Variants in GMDS observed in about 807,000 individuals in gnomAD.
GMDS encodes the protein GDP-mannose 4,6 dehydratase.
GMDS carries 20 observed loss-of-function variants against 49.9 expected under a neutral mutation model. The ratio of observed to expected loss-of-function variants is 0.40; its 90% CI spans 0.28 to 0.58. GMDS has a LOEUF of 0.58. GMDS is among the 20% of genes least tolerant of loss of function. The probability of loss-of-function intolerance (pLI) is 0.42; values close to 1 mark genes in which losing one functional copy is unlikely to be tolerated. For synonymous variants in GMDS, 177 were observed against 178.6 expected, an observed-to-expected ratio of 0.99 and a Z score of 0.07; for missense variants, 362 against 481.4, an observed-to-expected ratio of 0.75 and a Z score of 2.32.
intron 7 of GMDS, among the ~76,000 whole-genome samples, chr6:1,909,939 C>T (rs369125726): frequency 1.1e-4 from 16 of 152,094 alleles, no homozygotes; most frequent in South Asian, 4.1e-4. Flanking sequence ...AGCAAACTCC[C>T]GATCAAGATC....
intron 7 of GMDS, among the ~76,000 whole-genome samples, chr6:1,889,356 G>C (rs184417803): frequency 4.2e-4 from 64 of 152,056 alleles, no homozygotes; most frequent in Admixed American, 1.6e-3. Flanking sequence ...GTGCCATCCT[G>C]GTTTCTTCCT....
chr6:2,130,731 G>A (rs1775688303), intron 1 of GMDS, among the ~76,000 whole-genome samples: 1 of 151,944 alleles, frequency 6.6e-6, no homozygotes, highest in Non-Finnish European at 1.5e-5. Context: ...GCAATGTTAT[G>A]TTATGTCCAT....
intron 4 of GMDS, among the ~76,000 whole-genome samples, chr6:1,998,972 G>T: frequency 6.6e-6 from 1 of 151,866 alleles, no homozygotes; most frequent in East Asian, 1.9e-4. Context: ...GATAAGACAT[G>T]CAACAAGCAA....
At chr6:1,905,902 G>GCATGT (rs1760749897) in intron 7 of GMDS, among the ~76,000 whole-genome samples, 1 of 73,296 alleles carries the variant, frequency 1.4e-5, no homozygotes, top group African/African-American at 6.3e-5. Flanking sequence ...TAGGCCATCT[G>GCATGT]GGAACACGTA....
intron 9 of GMDS, among the ~76,000 whole-genome samples, chr6:1,657,637 C>T (rs999785860): frequency 6.6e-6 from 1 of 152,032 alleles, no homozygotes; most frequent in Non-Finnish European, 1.5e-5. Context: ...GTTTGTGAGG[C>T]GAGACCAGAT....
intron 1 of GMDS, among the ~76,000 whole-genome samples, chr6:2,129,985 T>C (rs973559599): frequency 5.9e-5 from 9 of 152,196 alleles, no homozygotes; most frequent in African/African-American, 2.2e-4. Context: ...CAGGTAAATG[T>C]TTATTGTACA....
intron 7 of GMDS, among the ~76,000 whole-genome samples, chr6:1,848,922 G>A (rs138039744): frequency 1.1e-4 from 17 of 152,292 alleles, no homozygotes; most frequent in African/African-American, 3.8e-4. Flanking sequence ...GGGCCAGATA[G>A]TTCTTTGTTG....
At chr6:2,027,247 G>T (rs1768659854) in intron 4 of GMDS, among the ~76,000 whole-genome samples, 1 of 152,150 alleles carries the variant, frequency 6.6e-6, no homozygotes, top group Non-Finnish European at 1.5e-5. Context: ...ACACATTTTG[G>T]GCAAGGACAT....
chr6:1,646,481 C>T (rs935372873), intron 9 of GMDS, among the ~76,000 whole-genome samples: 11 of 152,182 alleles, frequency 7.2e-5, no homozygotes, highest in African/African-American at 2.2e-4. Flanking sequence ...TGCAGTGGCA[C>T]GATCATGGCT....
chr6:2,141,605 G>A lies in GMDS; in HGVS notation c.103-16874C>T, dbSNP rs371073348. Reference sequence around the variant, plus strand: ...TGGAAACAGATTCTGAACAGGCAGGGATGAAGAGGGGAGGGGAAGAAACTA... The same window carrying A: ...TGGAAACAGATTCTGAACAGGCAGGAATGAAGAGGGGAGGGGAAGAAACTA... On this transcript the variant is annotated intron_variant, in intron 1 of 10. Coordinates refer to ENST00000380815, the MANE Select transcript of GMDS (RefSeq NM_001500.4). 9.8e-5 allele frequency among the ~76,000 whole-genome samples: 15 copies of A among 152,288 alleles called. No homozygotes were observed. The South Asian group carries it at 3.1e-3, about 32-fold the overall frequency.
Position 2,030,002 on chromosome 6 carries a change from A to G in GMDS, c.346-69036T>C, listed in dbSNP as rs190142902. 3.6e-3 allele frequency among the ~76,000 whole-genome samples: 555 copies of G among 152,134 alleles called. 4 individuals are homozygous for G. Among genetic ancestry groups the G allele is most frequent in the Admixed American group, 7.9e-3 (121 of 15,272 alleles). Reference sequence around the variant, plus strand: ...AAACAGATAGCATGCATTACATCCAACTCGTGAACTGCCTTTCTCCCAGTG... The same window carrying G: ...AAACAGATAGCATGCATTACATCCAGCTCGTGAACTGCCTTTCTCCCAGTG... On this transcript the variant is annotated intron_variant, in intron 4 of 10. Transcript: ENST00000380815.
intron 9 of GMDS, among the ~76,000 whole-genome samples, chr6:1,678,150 G>A (rs933670367): frequency 6.6e-6 from 1 of 152,040 alleles, no homozygotes; most frequent in African/African-American, 2.4e-5. Flanking sequence ...CACAACTTGC[G>A]TGAGTTTTAC....
At chr6:1,709,284 G>A (rs1471869707) in intron 9 of GMDS, among the ~76,000 whole-genome samples, 2 of 152,210 alleles carry the variant, frequency 1.3e-5, no homozygotes, top group Non-Finnish European at 2.9e-5. Flanking sequence ...AGGCTAATGT[G>A]CAGAAGGGCA....
At chr6:1,763,745 G>A (rs1408960825) in intron 7 of GMDS, among the ~76,000 whole-genome samples, 2 of 152,196 alleles carry the variant, frequency 1.3e-5, no homozygotes, top group African/African-American at 2.4e-5. Context: ...TCTAGAAAGC[G>A]GAAGAACCAG....
chr6:1,832,982 G>A (rs998012159), intron 7 of GMDS, among the ~76,000 whole-genome samples: 2 of 152,040 alleles, frequency 1.3e-5, no homozygotes, highest in African/African-American at 2.4e-5. Flanking sequence ...GGAAGTCTTC[G>A]GCTACTGAAG....
At chr6:1,876,015 C>CAAAAAAAAA (rs112121475) in intron 7 of GMDS, among the ~76,000 whole-genome samples, 2 of 129,266 alleles carry the variant, frequency 1.5e-5, no homozygotes, top group African/African-American at 6.5e-5. Flanking sequence ...AGCACTATCT[C>CAAAAAAAAA]AAAAAAAAAA....
At chr6:1,872,471 C>T (rs1025400684) in intron 7 of GMDS, among the ~76,000 whole-genome samples, 2 of 152,190 alleles carry the variant, frequency 1.3e-5, no homozygotes, top group East Asian at 1.9e-4. Flanking sequence ...TTTCCCCAAT[C>T]GCTCTGTCAG....
rs1763131133 is a variant in GMDS at position 1,635,899 on chromosome 6, T to C, written c.988-11359A>G. ...GTCTGGGAGCTGCTCTTCTCTGCTC[T>C]CAGCTGGGGCTATCTTTAGGACACT... is the stretch of plus-strand genomic sequence containing the variant. On this transcript the variant is annotated intron_variant, in intron 9 of 10. Coordinates refer to ENST00000380815, the MANE Select transcript of GMDS (RefSeq NM_001500.4). This position sits in a 1 kb window ranked among gnomAD's most constrained non-coding sequence, Gnocchi z 4.7. Among the ~76,000 whole-genome samples the C allele has an allele frequency of 6.6e-6, 1 of 152,208 alleles. No individual in the cohort carries two copies. The highest frequency in any genetic ancestry group is 1.5e-5 in the Non-Finnish European group (1 of 68,036).
In GMDS at chr6:1,999,985, A is replaced by T. The variant is rs1288053308; in HGVS notation, c.346-39019T>A. 4.8e-3 allele frequency among the ~76,000 whole-genome samples: 52 copies of T among 10,918 alleles called. 1 individual carries two copies. Among genetic ancestry groups the T allele is most frequent in the African/African-American group, 5.6e-3 (17 of 3,040 alleles). 7.2% of individuals were successfully genotyped at this position (10,918 alleles called of 152,430 possible). On this transcript the variant is annotated intron_variant, in intron 4 of 10. Coordinates refer to ENST00000380815, the MANE Select transcript of GMDS (RefSeq NM_001500.4). ...TATATATATATTATATATATATTTT[A>T]TATATATATATTATATATATATATT...
Sources: allele counts gnomAD v4.1 joint callset (sites outside exome capture counted in the v4.1 genomes callset), GRCh38; gene constraint gnomAD v4.1.1; non-coding constraint Gnocchi (gnomAD v3.1); transcripts MANE v1.5; gene names NCBI Gene and HGNC (gene_info 2026-07-23, HGNC 2026-07-21).